The following ARHGAP28 variants were observed in gnomAD, a reference collection of about 807,000 sequenced individuals.
ARHGAP28 encodes the protein Rho GTPase activating protein 28.
ARHGAP28 carries 56 observed loss-of-function variants against 90.7 expected under a neutral mutation model. That is an observed-to-expected ratio of 0.62 (90% confidence interval 0.50 to 0.77). ARHGAP28 has a LOEUF of 0.77. Ranked by LOEUF, ARHGAP28 falls within the 30% of genes least tolerant of loss-of-function variation. ARHGAP28 has a pLI of 0.00. For synonymous variants in ARHGAP28, 308 were observed against 323.3 expected (o/e 0.95, Z 0.51); for missense variants, 869 against 900.9 (o/e 0.96, Z 0.45).
intron 5 of ARHGAP28, among the ~76,000 whole-genome samples, chr18:6,860,110 T>G (rs2056986389): frequency 6.6e-6 from 1 of 152,254 alleles, no homozygotes; most frequent in Non-Finnish European, 1.5e-5. Context: ...TGGATTCATG[T>G]CACTGCAGCC....
rs1002386129 is a variant in ARHGAP28 at position 6,913,279 on chromosome 18, A to G, written c.*1125A>G. ...ATTTTCCAGACCTGTGATTGCCCAG[A>G]ACACATAGTCCCCACGTTTCTAATT... On this transcript the variant is annotated 3_prime_UTR_variant, in exon 18 of 18. Coordinates refer to ENST00000383472, the MANE Select transcript of ARHGAP28 (RefSeq NM_001366230.1). The G allele has an allele frequency of 6.6e-6, 1 of 152,206 alleles. No homozygotes were observed. Among genetic ancestry groups the G allele is most frequent in the Non-Finnish European group, 1.5e-5 (1 of 68,052 alleles). The allele number at this position is 152,206 out of a possible 1,614,324, so 9.4% of individuals were successfully genotyped here.
chr18:6,868,690 A>G (rs1363218624), intron 6 of ARHGAP28, among the ~76,000 whole-genome samples: 3 of 152,092 alleles, frequency 2.0e-5, no homozygotes, highest in Non-Finnish European at 1.5e-5. Context: ...TGGGCTAGGT[A>G]TGGAATCTCA....
chr18:6,824,989 A>G (rs1600218488), intron 2 of ARHGAP28, 25 bp downstream of exon 2: 3 of 1,514,720 alleles, frequency 2.0e-6, no homozygotes, highest in Admixed American at 2.1e-5. Flanking sequence ...TTGTCTTCCT[A>G]TGTGCTGACT....
chr18:6,766,874 C>T (rs1316144862), intron 1 of ARHGAP28, among the ~76,000 whole-genome samples: 1 of 152,114 alleles, frequency 6.6e-6, no homozygotes, highest in Non-Finnish European at 1.5e-5. Flanking sequence ...ATGTGGCCAC[C>T]CCAACTTTCT....
intron 3 of ARHGAP28, among the ~76,000 whole-genome samples, chr18:6,838,533 A>G (rs573795039): frequency 3.9e-5 from 6 of 152,340 alleles, no homozygotes; most frequent in South Asian, 4.1e-4. Context: ...AGAACTTTCT[A>G]TAGTGATGGA....
At chr18:6,845,298 C>T (rs942867920) in intron 3 of ARHGAP28, among the ~76,000 whole-genome samples, 1 of 152,150 alleles carries the variant, frequency 6.6e-6, no homozygotes, top group Non-Finnish European at 1.5e-5. Flanking sequence ...AGGCTGGTCT[C>T]AGACTCCTAG....
intron 1 of ARHGAP28, among the ~76,000 whole-genome samples, chr18:6,784,417 T>C (rs998049524): frequency 3.3e-5 from 5 of 152,166 alleles, no homozygotes; most frequent in Non-Finnish European, 7.3e-5. Context: ...ATGTAATCGC[T>C]TTCATTTCTG....
chr18:6,734,396 A>G (rs1350885843), intron 1 of ARHGAP28, among the ~76,000 whole-genome samples: 1 of 152,216 alleles, frequency 6.6e-6, no homozygotes, highest in Non-Finnish European at 1.5e-5. Flanking sequence ...GTTATACCAT[A>G]AACTTCCCGA....
At chr18:6,794,929 C>T (rs533781914) in intron 1 of ARHGAP28, among the ~76,000 whole-genome samples, 4 of 152,206 alleles carry the variant, frequency 2.6e-5, no homozygotes, top group South Asian at 4.1e-4. Context: ...GTGCTCCACC[C>T]GCCTGGGCCT....
chr18:6,731,292 G>A (rs186602830), intron 1 of ARHGAP28, among the ~76,000 whole-genome samples: 24 of 51,256 alleles, frequency 4.7e-4, no homozygotes, highest in Non-Finnish European at 1.1e-3. Flanking sequence ...ATATGTGTGC[G>A]TGTGTGTGTG....
At chr18:6,837,078 A>G in intron 2 of ARHGAP28, 119 bp from the exon 3 acceptor site, 2 of 744,104 alleles carry the variant, frequency 2.7e-6, no homozygotes, top group East Asian at 2.7e-5. Context: ...GTTCTTTCCC[A>G]TAATTACTGT....
chr18:6,775,061 G>C (rs2056273120), intron 1 of ARHGAP28, among the ~76,000 whole-genome samples: 1 of 152,290 alleles, frequency 6.6e-6, no homozygotes, highest in African/African-American at 2.4e-5. Flanking sequence ...TCCCAGAAAG[G>C]CTTCCATAAT....
chr18:6,744,344 T>A (rs750902728), intron 1 of ARHGAP28, among the ~76,000 whole-genome samples: 1 of 152,104 alleles, frequency 6.6e-6, no homozygotes, highest in Non-Finnish European at 1.5e-5. Flanking sequence ...AGTAAAATGA[T>A]TAGGGTCAGA....
intron 11 of ARHGAP28, among the ~76,000 whole-genome samples, chr18:6,886,465 C>T (rs903902177): frequency 2.0e-5 from 3 of 152,176 alleles, no homozygotes; most frequent in Non-Finnish European, 4.4e-5. Flanking sequence ...AAATACTCAA[C>T]AATCTCCAAA....
intron 1 of ARHGAP28, among the ~76,000 whole-genome samples, chr18:6,747,975 TG>T (rs2056037993): frequency 6.6e-6 from 1 of 152,236 alleles, no homozygotes; most frequent in Non-Finnish European, 1.5e-5. Flanking sequence ...AACACTGGCT[TG>T]CCTTAGGCAT....
At chr18:6,791,391 TC>T (rs2056405351) in intron 1 of ARHGAP28, 1 of 152,156 alleles carries the variant, frequency 6.6e-6, no homozygotes, top group African/African-American at 2.4e-5. Context: ...GACAACACCC[TC>T]ACAGACACAC....
intron 16 of ARHGAP28, among the ~76,000 whole-genome samples, chr18:6,903,756 G>C (rs938653959): frequency 6.7e-6 from 1 of 148,430 alleles, no homozygotes; most frequent in African/African-American, 2.5e-5. Flanking sequence ...TTGAACCCGG[G>C]AGGCGGAGGT....
chr18:6,843,737 T>G (rs1353456452), intron 3 of ARHGAP28, among the ~76,000 whole-genome samples: 1 of 152,246 alleles, frequency 6.6e-6, no homozygotes, highest in East Asian at 1.9e-4. Flanking sequence ...AATGTGTTTT[T>G]TCTTACAATG....
intron 4 of ARHGAP28, among the ~76,000 whole-genome samples, chr18:6,853,609 A>T (rs925322356): frequency 3.3e-5 from 5 of 152,004 alleles, no homozygotes; most frequent in Non-Finnish European, 5.9e-5. Context: ...AGTAGCTGGG[A>T]TTACAGGCAT....
Sources: gnomAD v4.1 joint callset for allele counts (sites outside exome capture counted in the v4.1 genomes callset) on GRCh38, gnomAD v4.1.1 for gene constraint, MANE v1.5 for transcripts, NCBI Gene and HGNC (gene_info 2026-07-23, HGNC 2026-07-21) for gene names.